NTM: variants seen among roughly 807,000 people sequenced by gnomAD.
NTM encodes the protein IgLON family member 2.
Under a neutral mutation model 42.1 loss-of-function variants are expected in NTM, and 13 were observed. The observed-to-expected ratio is 0.31, with a 90% CI of 0.20 to 0.49. The LOEUF (loss-of-function observed/expected upper bound fraction) is 0.49. Among genes scored for constraint, NTM ranks in the 20% least tolerant of loss-of-function variants. The pLI, the probability that NTM is intolerant of heterozygous loss-of-function variation, is 0.99. For synonymous variants in NTM, 187 were observed against 179.2 expected (o/e 1.04, Z -0.35); for missense variants, 373 against 452.8 (o/e 0.82, Z 1.60).
intron 3 of NTM, among the ~76,000 whole-genome samples, chr11:132,150,040 G>T (rs543344454): frequency 1.3e-5 from 2 of 152,252 alleles, no homozygotes; most frequent in Admixed American, 1.3e-4. Context: ...GGTTTATTTG[G>T]CTCATGGTTC....
chr11:131,560,970 T>G (rs941655251), intron 1 of NTM, among the ~76,000 whole-genome samples: 19 of 152,156 alleles, frequency 1.2e-4, no homozygotes, highest in African/African-American at 4.6e-4. Flanking sequence ...TACCTACACA[T>G]AGGGCAGCAA....
At chr11:131,828,887 A>T (rs1247019787) in intron 1 of NTM, among the ~76,000 whole-genome samples, 2 of 152,122 alleles carry the variant, frequency 1.3e-5, no homozygotes, top group Non-Finnish European at 2.9e-5. Context: ...AAAGCTAGTA[A>T]AAATGTTCCT....
At chr11:131,435,477 T>C (rs12291942) in intron 1 of NTM, among the ~76,000 whole-genome samples, 37,094 of 152,100 alleles carry the variant, frequency 0.24, 4,830 homozygotes, top group Middle Eastern at 0.31. Context: ...GAGCAGTGAT[T>C]TGTAGTTCTC....
chr11:131,981,943 C>T (rs1224201403), intron 2 of NTM, among the ~76,000 whole-genome samples: 2 of 151,956 alleles, frequency 1.3e-5, no homozygotes, highest in African/African-American at 2.4e-5. Flanking sequence ...ACCTGGGAGG[C>T]GGAAGTTGCA....
At chr11:131,974,104 G>A (rs2063960950) in intron 2 of NTM, among the ~76,000 whole-genome samples, 1 of 152,018 alleles carries the variant, frequency 6.6e-6, no homozygotes, top group African/African-American at 2.4e-5. Context: ...TAATAATACA[G>A]TATGTAATAC....
rs560802074 is a variant in NTM at position 131,961,279 on chromosome 11, T to A, written c.167+49631T>A. On this transcript the variant is annotated intron_variant, in intron 2 of 8. Transcript: ENST00000683400. ...GGCAGGAAAGAGATGATCCCTTTCTTGGATCAGCCACTTTCGGGGGCCAAA... is the reference window on the plus strand; with the variant it reads ...GGCAGGAAAGAGATGATCCCTTTCTAGGATCAGCCACTTTCGGGGGCCAAA... 2.6e-5 allele frequency among the ~76,000 whole-genome samples: 4 copies of A among 152,310 alleles called. No individual in the cohort carries two copies. The South Asian group carries it at 8.3e-4, about 32-fold the overall frequency.
intron 1 of NTM, among the ~76,000 whole-genome samples, chr11:131,503,560 T>C (rs1055887858): frequency 7.2e-5 from 11 of 151,820 alleles, no homozygotes; most frequent in African/African-American, 2.4e-4. Context: ...TCTTACTCTG[T>C]TGCTCAGGCT....
At chr11:131,610,757 T>C (rs1054788460) in intron 1 of NTM, among the ~76,000 whole-genome samples, 1 of 152,036 alleles carries the variant, frequency 6.6e-6, no homozygotes, top group Non-Finnish European at 1.5e-5. Flanking sequence ...AGTAGTAGCA[T>C]GAGATGAGGA....
At chr11:131,562,774 G>A (rs1022193797) in intron 1 of NTM, among the ~76,000 whole-genome samples, 2 of 152,188 alleles carry the variant, frequency 1.3e-5, no homozygotes, top group African/African-American at 4.8e-5. Flanking sequence ...TTGTAATTAT[G>A]TCTTTCCTAA....
chr11:132,164,871 C>A (rs1353092811), intron 3 of NTM, among the ~76,000 whole-genome samples: 1 of 152,164 alleles, frequency 6.6e-6, no homozygotes, highest in Non-Finnish European at 1.5e-5. Flanking sequence ...AACAAAGATG[C>A]CATGGAGATT....
chr11:132,193,242 CCA>C (rs1321912470), intron 3 of NTM, among the ~76,000 whole-genome samples: 1 of 152,006 alleles, frequency 6.6e-6, no homozygotes, highest in Non-Finnish European at 1.5e-5. Flanking sequence ...CTAAGATCAA[CCA>C]CACACTAAAC....
intron 2 of NTM, among the ~76,000 whole-genome samples, chr11:131,924,035 A>C (rs1301894464): frequency 6.6e-6 from 1 of 152,226 alleles, no homozygotes; most frequent in African/African-American, 2.4e-5. Flanking sequence ...TTAGCCTTAC[A>C]TAGCTGAGGA....
rs927748751 is a variant in NTM, at chr11:132,335,401, C to T, written c.*255C>T. The T allele has an allele frequency of 2.9e-5, 13 of 446,464 alleles. No individual in the cohort carries two copies. The highest frequency in any genetic ancestry group is 3.7e-5 in the Admixed American group (1 of 26,848). 27.7% of individuals were successfully genotyped at this position (446,464 alleles called of 1,614,324 possible). A position where few individuals can be genotyped will look rare whatever the true frequency, so the allele number is the denominator to read the frequency against. On this transcript the variant is annotated 3_prime_UTR_variant, in exon 9 of 9. Transcript: ENST00000683400. ...TTTCTTTTCCCAAACGGGAAGAACA[C>T]AGCACACCCGGCTTGGACCCACTGC...
chr11:132,015,930 T>C (rs2135471165), intron 2 of NTM, among the ~76,000 whole-genome samples: 1 of 152,110 alleles, frequency 6.6e-6, no homozygotes, highest in East Asian at 1.9e-4. Flanking sequence ...GCTTGATTGC[T>C]CTGGCTAGGA....
At chr11:132,158,897 C>T (rs2073754526) in intron 3 of NTM, among the ~76,000 whole-genome samples, 2 of 152,150 alleles carry the variant, frequency 1.3e-5, no homozygotes, top group African/African-American at 2.4e-5. Flanking sequence ...TGAGTCACTC[C>T]AGGTCACTGC....
chr11:131,895,889 A>G (rs1411951931), intron 1 of NTM, among the ~76,000 whole-genome samples: 1 of 152,180 alleles, frequency 6.6e-6, no homozygotes, highest in African/African-American at 2.4e-5. Context: ...CTGAGCATCT[A>G]CACAGTTTGT....
At chr11:131,582,619 C>T (rs1474288679) in intron 1 of NTM, among the ~76,000 whole-genome samples, 2 of 151,830 alleles carry the variant, frequency 1.3e-5, no homozygotes, top group East Asian at 1.9e-4. Context: ...ATTATTTACT[C>T]CTGCATCGGC....
At chr11:131,810,065 T>C (rs2092675985) in intron 1 of NTM, among the ~76,000 whole-genome samples, 1 of 152,194 alleles carries the variant, frequency 6.6e-6, no homozygotes, top group Non-Finnish European at 1.5e-5. Context: ...ACTCATAATC[T>C]CTACAGCTGC....
At position 131,598,471 on chromosome 11, in the gene NTM, A is replaced by G. The variant is rs370618533; in HGVS notation, c.82+227583A>G. 4.0e-4 allele frequency among the ~76,000 whole-genome samples: 61 copies of G among 152,272 alleles called. 1 individual carries two copies. The highest frequency in any genetic ancestry group is 1.4e-3 in the African/African-American group (60 of 41,572). On this transcript the variant is annotated intron_variant, in intron 1 of 8. Transcript: ENST00000683400. ...TCAGGATTCTGTGTGGCTTTAACAA[A>G]ACAAAGGTCTATTGCTCCCACACTG...
Sources: allele counts gnomAD v4.1 joint callset (sites outside exome capture counted in the v4.1 genomes callset), GRCh38; gene constraint gnomAD v4.1.1; transcripts MANE v1.5; gene names NCBI Gene and HGNC (gene_info 2026-07-23, HGNC 2026-07-21).